The following MMP24 variants were observed in gnomAD, a reference collection of about 807,000 sequenced individuals.
MMP24 encodes the protein matrix metalloproteinase-24.
In MMP24, 25 loss-of-function variants were observed where a neutral mutation model predicts 62.8. That is an observed-to-expected ratio of 0.40 (90% CI 0.29 to 0.56). The LOEUF (loss-of-function observed/expected upper bound fraction) is 0.56. MMP24 is among the 20% of genes least tolerant of loss of function. MMP24 has a pLI of 0.50. For synonymous variants in MMP24, 319 were observed against 350.5 expected, an observed-to-expected ratio of 0.91 and a Z score of 1.00; for missense variants, 634 against 853.6, an observed-to-expected ratio of 0.74 and a Z score of 3.21.
rs1206574495 is a variant in MMP24 at position 35,271,535 on chromosome 20, G to C, written c.1334-34G>C. The C allele has an allele frequency of 6.3e-7, 1 of 1,599,558 alleles. No individual in the cohort carries two copies. The highest frequency in any genetic ancestry group is 2.2e-5 in the East Asian group (1 of 44,660). On this transcript the variant is annotated intron_variant, in intron 7 of 8. Transcript: ENST00000246186. The surrounding 1 kb of genome is among the most constrained non-coding windows in gnomAD (Gnocchi z 4.0). The stretch of plus-strand genomic sequence containing the variant: ...GATGGGCAAACGGCACTGAGTGACT[G>C]GGGAAGCTGATCCTGGGCTCCTCTT...
chr20:35,268,909 C>T (rs1385879779), intron 6 of MMP24, among the ~76,000 whole-genome samples: 1 of 152,092 alleles, frequency 6.6e-6, no homozygotes, highest in South Asian at 2.1e-4. Flanking sequence ...CGCCTGTAGT[C>T]CCAGCTACTC....
intron 4 of MMP24, among the ~76,000 whole-genome samples, chr20:35,259,210 A>G (rs955086576): frequency 6.6e-6 from 1 of 152,158 alleles, no homozygotes; most frequent in African/African-American, 2.4e-5. Context: ...AATACTTTTT[A>G]AAAAAATAGG....
rs2425041 is a variant in MMP24 at position 35,271,210 on chromosome 20, C to T, written c.1334-359C>T. Among the ~76,000 whole-genome samples, 13 of 151,964 alleles carry T rather than the reference C, an allele frequency of 8.6e-5. No individual in the cohort carries two copies. Among genetic ancestry groups the T allele is most frequent in the East Asian group, 5.8e-4 (3 of 5,148 alleles). ...AGCCAATGCAGAGCTGCCGGTAGGCCGAGGGAGGTCAGGGTTTCTGGCTCT... is the reference window on the plus strand; with the variant it reads ...AGCCAATGCAGAGCTGCCGGTAGGCTGAGGGAGGTCAGGGTTTCTGGCTCT... On this transcript the variant is annotated intron_variant, in intron 7 of 8. Coordinates refer to ENST00000246186, the MANE Select transcript of MMP24 (RefSeq NM_006690.4). The surrounding 1 kb of genome is among the most constrained non-coding windows in gnomAD (Gnocchi z 4.0).
intron 3 of MMP24, among the ~76,000 whole-genome samples, chr20:35,253,598 A>G (rs1025207930): frequency 2.6e-5 from 4 of 152,098 alleles, no homozygotes; most frequent in Non-Finnish European, 5.9e-5. Context: ...AGGGCAGGGA[A>G]CCCACAGGTA....
intron 4 of MMP24, among the ~76,000 whole-genome samples, chr20:35,261,400 ACC>A (rs1418437651): frequency 6.6e-6 from 1 of 152,062 alleles, no homozygotes; most frequent in Non-Finnish European, 1.5e-5. Flanking sequence ...ACCTCACACA[ACC>A]CGGTGAGGTA....
intron 1 of MMP24, among the ~76,000 whole-genome samples, chr20:35,234,598 T>G (rs947233763): frequency 1.3e-5 from 2 of 152,022 alleles, no homozygotes; most frequent in Admixed American, 1.3e-4. Context: ...AGAGTACATA[T>G]GGGAAAGGAG....
At position 35,269,827 on chromosome 20, in the gene MMP24, T is replaced by G; in HGVS notation, c.1262T>G (p.Phe421Cys). 6.4e-7 allele frequency: 1 copy of G among 1,561,998 alleles called. No individual in the cohort carries two copies. Among genetic ancestry groups the G allele is most frequent in the Non-Finnish European group, 8.7e-7 (1 of 1,153,308 alleles). ...GGCTACCCCATGCAGATCGAGCAGT[T>G]CTGGAAGGGCCTGCCTGCCCGCATC... Reference protein sequence around the residue: ...QEGYPMQIEQFWKGLPARIDA... With the variant: ...QEGYPMQIEQCWKGLPARIDA... Residue 421 changes from phenylalanine (F) to cysteine (C), a missense_variant, in exon 7 of 9, where the codon TTC (phenylalanine) becomes TGC (cysteine). Coordinates refer to ENST00000246186, the MANE Select transcript of MMP24 (RefSeq NM_006690.4). The surrounding 1 kb of genome is among the most constrained non-coding windows in gnomAD (Gnocchi z 4.6).
At chr20:35,262,551 C>T (rs1444325347) in intron 4 of MMP24, among the ~76,000 whole-genome samples, 1 of 151,130 alleles carries the variant, frequency 6.6e-6, no homozygotes, top group Non-Finnish European at 1.5e-5. Context: ...AGCATACAAC[C>T]GGGTTTTATA....
chr20:35,241,251 C>T (rs1464417123), intron 1 of MMP24, among the ~76,000 whole-genome samples: 1 of 152,164 alleles, frequency 6.6e-6, no homozygotes, highest in Non-Finnish European at 1.5e-5. Context: ...CAGGATTAAG[C>T]AGCATGAATT....
intron 4 of MMP24, among the ~76,000 whole-genome samples, chr20:35,261,539 C>T (rs903473782): frequency 5.9e-5 from 9 of 152,186 alleles, no homozygotes; most frequent in African/African-American, 2.2e-4. Context: ...CTCGTAACCA[C>T]CGTGCCATGG....
In MMP24 at chr20:35,226,952, G is replaced by A; in HGVS notation, c.214G>A (p.Ala72Thr). ...AGCGGTGGCGGTGGCGGTGGCGCGG[G>A]CGGACGAGGCGGAGGCGCCCTTCGC... ...RAAVAVAVARADEAEAPFAGQ... is the reference protein window; with the variant it reads ...RAAVAVAVARTDEAEAPFAGQ... The change falls in exon 1 of 9, where the codon GCG (alanine) becomes ACG (threonine). Residue 72 changes from alanine (A) to threonine (T), a missense_variant. By Grantham distance (58) the Ala-to-Thr change is moderately conservative. Around this residue, in one of 3 missense-constraint regions of MMP24, gnomAD observed 212 missense variants for 259.6 expected, o/e 0.82. Coordinates refer to ENST00000246186, the MANE Select transcript of MMP24 (RefSeq NM_006690.4). The A allele has an allele frequency of 2.0e-6, 2 of 980,616 alleles. No homozygotes were observed. Among genetic ancestry groups the A allele is most frequent in the Non-Finnish European group, 2.4e-6 (2 of 828,206 alleles). The allele number at this position is 980,616 out of a possible 1,614,324, so 60.7% of individuals were successfully genotyped here.
intron 1 of MMP24, among the ~76,000 whole-genome samples, chr20:35,240,629 G>A (rs1037245604): frequency 6.6e-6 from 1 of 151,942 alleles, no homozygotes; most frequent in Admixed American, 6.6e-5. Context: ...CATCAAGCAA[G>A]GAAGTCAAAT....
At position 35,254,564 on chromosome 20, in the gene MMP24, T is replaced by C. The variant is rs2146219783; in HGVS notation, c.627T>C (p.His209=). The C allele has an allele frequency of 1.9e-6, 3 of 1,604,526 alleles. No homozygotes were observed. Among genetic ancestry groups the C allele is most frequent in the Non-Finnish European group, 2.6e-6 (3 of 1,171,390 alleles). Residue 209 remains histidine (H), a synonymous_variant, in exon 4 of 9, where the codon CAT becomes CAC. Coordinates refer to ENST00000246186, the MANE Select transcript of MMP24 (RefSeq NM_006690.4). The part of the protein sequence containing the change: ...TPLTFEEVPY[H]EIKSDRKEAD... ...TGACCTTTGAAGAGGTGCCATACCA[T>C]GAGATCAAAAGTGACCGGAAGGAGG... is the stretch of plus-strand genomic sequence containing the variant.
chr20:35,274,722 G>T lies in MMP24; in HGVS notation c.*113G>T. On this transcript the variant is annotated 3_prime_UTR_variant, in exon 9 of 9. Coordinates refer to ENST00000246186, the MANE Select transcript of MMP24 (RefSeq NM_006690.4). This position sits in a 1 kb window ranked among gnomAD's most constrained non-coding sequence, Gnocchi z 5.1. ...CCAGGGCCAGCAGGGCCCTAGGCTG[G>T]GGTCGTACAGCTGAAGTGGTGGGTG... The T allele has an allele frequency of 2.1e-6, 2 of 939,580 alleles. No individual in the cohort carries two copies. The highest frequency in any genetic ancestry group is 3.1e-6 in the Non-Finnish European group (2 of 636,530). The allele number at this position is 939,580 out of a possible 1,614,324, so 58.2% of individuals were successfully genotyped here. A position where few individuals can be genotyped will look rare whatever the true frequency, so the allele number is the denominator to read the frequency against.
At chr20:35,261,100 G>A (rs1442628940) in intron 4 of MMP24, among the ~76,000 whole-genome samples, 1 of 152,174 alleles carries the variant, frequency 6.6e-6, no homozygotes, top group Admixed American at 6.5e-5. Context: ...GGGCAGACAG[G>A]AGTCAGGACT....
intron 3 of MMP24, among the ~76,000 whole-genome samples, chr20:35,253,275 T>G (rs1273220329): frequency 6.8e-6 from 1 of 147,238 alleles, no homozygotes; most frequent in East Asian, 2.0e-4. Context: ...CGGGACTTTT[T>G]TTTTTTTTTT....
intron 1 of MMP24, among the ~76,000 whole-genome samples, chr20:35,244,856 TC>T (rs2060506728): frequency 6.6e-6 from 1 of 151,994 alleles, no homozygotes. Context: ...AAAAAATCAC[TC>T]CATGCATAAA....
chr20:35,260,819 G>A (rs76431785), intron 4 of MMP24, among the ~76,000 whole-genome samples: 5 of 152,330 alleles, frequency 3.3e-5, no homozygotes, highest in East Asian at 1.9e-4. Flanking sequence ...TGTACTGCCC[G>A]TGGCCTGGGT....
chr20:35,274,717 G>C lies in MMP24; in HGVS notation c.*108G>C, dbSNP rs145887658. ...GCTCACCAGGGCCAGCAGGGCCCTA[G>C]GCTGGGGTCGTACAGCTGAAGTGGT... On this transcript the variant is annotated 3_prime_UTR_variant, in exon 9 of 9. Coordinates refer to ENST00000246186, the MANE Select transcript of MMP24 (RefSeq NM_006690.4). This position sits in a 1 kb window ranked among gnomAD's most constrained non-coding sequence, Gnocchi z 5.1. 2 of 993,910 alleles carry C rather than the reference G, an allele frequency of 2.0e-6. No individual in the cohort carries two copies. The highest frequency in any genetic ancestry group is 2.8e-5 in the Admixed American group (1 of 35,680). 61.6% of individuals were successfully genotyped at this position (993,910 alleles called of 1,614,324 possible).
Sources: gnomAD v4.1 joint callset for allele counts (sites outside exome capture counted in the v4.1 genomes callset) on GRCh38, gnomAD v4.1.1 for gene constraint, gnomAD v4.1.1 regional missense constraint, Gnocchi (gnomAD v3.1) non-coding constraint, MANE v1.5 for transcripts, NCBI Gene and HGNC (gene_info 2026-07-23, HGNC 2026-07-21) for gene names.